KIAA0825: variants seen among roughly 807,000 people sequenced by gnomAD.
KIAA0825 encodes KIAA0825.
KIAA0825 carries 119 observed loss-of-function variants against 147.6 expected under a neutral mutation model. The observed-to-expected ratio is 0.81, with a 90% confidence interval of 0.69 to 0.94. The LOEUF (loss-of-function observed/expected upper bound fraction) is 0.94, where lower values mean the gene tolerates loss of function less well. Among genes scored for constraint, KIAA0825 ranks in the 40% least tolerant of loss-of-function variants. KIAA0825 has a pLI of 0.00. For missense variants in KIAA0825, 1,381 were observed against 1,472.7 expected (o/e 0.94, Z 1.02); for synonymous variants, 470 against 518.1 (o/e 0.91, Z 1.26).
Position 94,484,851 on chromosome 5 carries a change from T to G in KIAA0825, c.1050A>C (p.Lys350Asn). The G allele has an allele frequency of 6.5e-7, 1 of 1,536,816 alleles. No individual in the cohort carries two copies. The highest frequency in any genetic ancestry group is 8.8e-7 in the Non-Finnish European group (1 of 1,136,502). ...DKVEFLSQLI[K>N]SFMKLEKGVQ... ...CACCTTTTTCCAGTTTCATAAAGGA[T>G]TTTATGAGCTGCGATAAGAATTCGA... The change falls in exon 6 of 21, where the codon AAA (lysine) becomes AAC (asparagine). Residue 350 changes from lysine to asparagine, a missense_variant. Coordinates refer to ENST00000682413, the MANE Select transcript of KIAA0825 (RefSeq NM_001145678.3).
intron 6 of KIAA0825, 100 bp from the exon 7 acceptor site, chr5:94,477,305 A>G: frequency 2.7e-6 from 2 of 747,494 alleles, no homozygotes; most frequent in Non-Finnish European, 4.5e-6. Flanking sequence ...TACGTAGAAA[A>G]GTTCTATCCA....
intron 20 of KIAA0825, among the ~76,000 whole-genome samples, chr5:94,261,775 A>G (rs1223182219): frequency 6.6e-6 from 1 of 152,020 alleles, no homozygotes; most frequent in Non-Finnish European, 1.5e-5. Flanking sequence ...TCCAAGTTCT[A>G]CTTCCTATTT....
At chr5:94,189,085 G>C (rs1015408897) in intron 20 of KIAA0825, among the ~76,000 whole-genome samples, 1 of 152,142 alleles carries the variant, frequency 6.6e-6, no homozygotes, top group African/African-American at 2.4e-5. Context: ...CTTTTGAAAA[G>C]TGTGTGCTTA....
chr5:94,610,775 A>G (rs1248137504), intron 1 of KIAA0825, among the ~76,000 whole-genome samples: 1 of 127,940 alleles, frequency 7.8e-6, no homozygotes, highest in East Asian at 2.0e-4. Context: ...AAAAAAAAAA[A>G]AAAAAAAAAA....
chr5:94,472,219 A>G (rs1761288765), intron 8 of KIAA0825, among the ~76,000 whole-genome samples: 2 of 152,202 alleles, frequency 1.3e-5, no homozygotes, highest in South Asian at 4.1e-4. Flanking sequence ...AAACAGTCTC[A>G]TGTAGCATCT....
At chr5:94,316,817 G>C (rs554366185) in intron 20 of KIAA0825, among the ~76,000 whole-genome samples, 1 of 151,310 alleles carries the variant, frequency 6.6e-6, no homozygotes, top group Admixed American at 6.6e-5. Flanking sequence ...TCATACTTAC[G>C]CACAAAAACC....
At chr5:94,512,850 C>T (rs1036730339) in intron 5 of KIAA0825, among the ~76,000 whole-genome samples, 1 of 151,934 alleles carries the variant, frequency 6.6e-6, no homozygotes, top group Non-Finnish European at 1.5e-5. Flanking sequence ...GAGCTGAGAT[C>T]GCATCACTGC....
At chr5:94,343,103 A>T (rs1782600170) in intron 20 of KIAA0825, among the ~76,000 whole-genome samples, 1 of 152,210 alleles carries the variant, frequency 6.6e-6, no homozygotes, top group African/African-American at 2.4e-5. Flanking sequence ...CCCATGGAGG[A>T]AATACAATGT....
At chr5:94,299,618 A>G (rs1240936510) in intron 20 of KIAA0825, among the ~76,000 whole-genome samples, 2 of 152,178 alleles carry the variant, frequency 1.3e-5, no homozygotes, top group African/African-American at 2.4e-5. Context: ...GGTGAATTCT[A>G]CTGTCCCTCA....
At chr5:94,501,184 C>T (rs1765041362) in intron 5 of KIAA0825, among the ~76,000 whole-genome samples, 1 of 152,114 alleles carries the variant, frequency 6.6e-6, no homozygotes, top group Non-Finnish European at 1.5e-5. Flanking sequence ...AATATGCAGC[C>T]ATTTGCTATA....
In KIAA0825 at chr5:94,520,624, T is replaced by C. The variant is rs1233898552; in HGVS notation, c.594A>G (p.Gln198=). ...KILLKKQCLQ[Q]LLFLYPESEV... is the part of the protein sequence containing the mutation. ...CTGATTCTGGATAAAGAAACAAGAG[T>C]TGTTGTAAGCACTGCTTTTTCAATA... The change falls in exon 5 of 21, where the codon CAA becomes CAG. Residue 198 remains glutamine (Q), a synonymous_variant. Transcript: ENST00000682413. The C allele has an allele frequency of 1.9e-6, 3 of 1,613,158 alleles. No homozygotes were observed. The East Asian group carries it at 6.7e-5, about 36-fold the overall frequency.
At chr5:94,459,837 A>T (rs1759584671) in intron 12 of KIAA0825, among the ~76,000 whole-genome samples, 1 of 152,132 alleles carries the variant, frequency 6.6e-6, no homozygotes, top group Non-Finnish European at 1.5e-5. Flanking sequence ...TAGACATTAG[A>T]TATACATATG....
Position 94,464,871 on chromosome 5 carries a change from T to G in KIAA0825, c.2061A>C (p.Leu687Phe). The stretch of plus-strand genomic sequence containing the variant: ...ATGTTTTTCAGAACTTCAATTACCT[T>G]AACTGTGGAGTTCTTTTACGGCTGG... ...AHPSRKRTPQLRLDVTTILIC... is the reference protein window; with the variant it reads ...AHPSRKRTPQFRLDVTTILIC... The change falls in exon 11 of 21, where the codon TTA becomes TTC. Residue 687 changes from leucine (L) to phenylalanine (F), a missense_variant and splice_region_variant. Leu to Phe is a conservative substitution (Grantham distance 22). Transcript: ENST00000682413. The G allele has an allele frequency of 6.5e-7, 1 of 1,550,292 alleles. No homozygotes were observed.
At chr5:94,159,126 C>G (rs371884275) in intron 20 of KIAA0825, among the ~76,000 whole-genome samples, 1 of 152,116 alleles carries the variant, frequency 6.6e-6, no homozygotes, top group East Asian at 1.9e-4. Context: ...ACAGTTGTTG[C>G]AGCTTCAGCC....
chr5:94,384,252 T>G, intron 20 of KIAA0825, 116 bp downstream of exon 20: 1 of 698,750 alleles, frequency 1.4e-6, no homozygotes, highest in Non-Finnish European at 2.4e-6. Context: ...GCTGATAAAA[T>G]GTTTTCACTT....
chr5:94,473,566 C>A (rs1241111972), intron 7 of KIAA0825, 47 bp from the exon 8 acceptor site: 2 of 1,148,516 alleles, frequency 1.7e-6, no homozygotes, highest in Admixed American at 2.2e-5. Flanking sequence ...AACTCAGCAA[C>A]AAATGTTTCT....
At chr5:94,479,612 C>T (rs754572184) in intron 6 of KIAA0825, among the ~76,000 whole-genome samples, 1 of 152,072 alleles carries the variant, frequency 6.6e-6, no homozygotes, top group Non-Finnish European at 1.5e-5. Flanking sequence ...TGGATAAATA[C>T]CTACGAGTGC....
chr5:94,271,737 G>A (rs1055741627), intron 20 of KIAA0825, among the ~76,000 whole-genome samples: 4 of 151,924 alleles, frequency 2.6e-5, no homozygotes, highest in African/African-American at 7.3e-5. Context: ...ACAGAGTGAG[G>A]TTCTGCCTCA....
chr5:94,577,385 T>A (rs1358433974), intron 2 of KIAA0825, among the ~76,000 whole-genome samples: 3 of 152,204 alleles, frequency 2.0e-5, no homozygotes, highest in Non-Finnish European at 4.4e-5. Flanking sequence ...AAAATGAATG[T>A]GAAGTCAACA....
Sources: gnomAD v4.1 joint callset for allele counts (sites outside exome capture counted in the v4.1 genomes callset) on GRCh38, gnomAD v4.1.1 for gene constraint, MANE v1.5 for transcripts, NCBI Gene and HGNC (gene_info 2026-07-23, HGNC 2026-07-21) for gene names.